The following SPTAN1 variants were observed in gnomAD, a reference collection of about 807,000 sequenced individuals.
SPTAN1 encodes spectrin alpha chain, non-erythrocytic 1.
SPTAN1 carries 61 observed loss-of-function variants against 331.3 expected under a neutral mutation model. The ratio of observed to expected loss-of-function variants is 0.18; its 90% CI spans 0.15 to 0.23. SPTAN1 has a LOEUF of 0.23. Among genes scored for constraint, SPTAN1 ranks in the 10% least tolerant of loss-of-function variants. SPTAN1 has a pLI of 1.00. For missense variants in SPTAN1, 2,043 were observed against 3,147.9 expected, an observed-to-expected ratio of 0.65 and a Z score of 8.40; for synonymous variants, 1,153 against 1,173.9, an observed-to-expected ratio of 0.98 and a Z score of 0.36.
intron 1 of SPTAN1, chr9:128,555,391 A>G (rs1312322044): frequency 5.4e-6 from 7 of 1,289,530 alleles, no homozygotes; most frequent in African/African-American, 4.6e-5. Flanking sequence ...TCGTAAACGC[A>G]GAGTCCAGGT....
intron 39 of SPTAN1, among the ~76,000 whole-genome samples, chr9:128,613,031 T>C (rs1222916731): frequency 6.6e-6 from 1 of 152,184 alleles, no homozygotes; most frequent in Non-Finnish European, 1.5e-5. Context: ...CCCAGCCTTT[T>C]GGTGTATATA....
At chr9:128,628,381 T>G (rs1228482414) in intron 51 of SPTAN1, 2 of 361,552 alleles carry the variant, frequency 5.5e-6, no homozygotes, top group Non-Finnish European at 1.1e-5. Context: ...GTACAGTAAG[T>G]CCACAGCTGA....
At chr9:128,591,136 A>G (rs1052665036) in intron 21 of SPTAN1, among the ~76,000 whole-genome samples, 7 of 151,740 alleles carry the variant, frequency 4.6e-5, no homozygotes, top group African/African-American at 1.7e-4. Flanking sequence ...ATCTCAGCTC[A>G]CTGCAAGCTC....
intron 1 of SPTAN1, among the ~76,000 whole-genome samples, chr9:128,562,994 A>ATGTATG (rs1849583192): frequency 1.8e-3 from 2 of 1,136 alleles, no homozygotes; most frequent in African/African-American, 1.9e-3. Context: ...ATGTATGTGT[A>ATGTATG]TATATATATA....
rs1157679452 is a variant in SPTAN1, at chr9:128,584,463, A to T, written c.2375A>T (p.Asp792Val). The stretch of plus-strand genomic sequence containing the variant: ...CTGCGGTTGCAGCAGCTCTTCCGGG[A>T]TGTTGAGGATGAGGAGACGTGGATT... Reference protein sequence around the residue: ...DSLRLQQLFRDVEDEETWIRE... With the variant: ...DSLRLQQLFRVVEDEETWIRE... Residue 792 changes from aspartate to valine, a missense_variant, in exon 17 of 57, where the codon GAT becomes GTT. This residue lies in a region of SPTAN1 where 1,038 missense variants were observed against 1,531.5 expected (regional missense o/e 0.68). Coordinates refer to ENST00000372739, the MANE Select transcript of SPTAN1 (RefSeq NM_001130438.3). 1 of 1,614,024 alleles carries T rather than the reference A, an allele frequency of 6.2e-7. No homozygotes were observed.
Position 128,594,157 on chromosome 9 carries a change from C to T in SPTAN1, c.3216-18C>T, listed in dbSNP as rs372969086. The T allele has an allele frequency of 2.4e-5, 38 of 1,613,758 alleles. No homozygotes were observed. In the Middle Eastern group the frequency reaches 4.9e-4, roughly 21 times the overall value. ...CTGCCTTCCTTGTCCCTCTTGTCAC[C>T]CTCTTGAATTCCATCAGATATCATT... is the stretch of plus-strand genomic sequence containing the variant. On this transcript the variant is annotated intron_variant, in intron 23 of 56. Coordinates refer to ENST00000372739, the MANE Select transcript of SPTAN1 (RefSeq NM_001130438.3).
intron 5 of SPTAN1, among the ~76,000 whole-genome samples, chr9:128,575,612 T>C (rs1199863107): frequency 1.3e-5 from 2 of 152,170 alleles, no homozygotes; most frequent in Non-Finnish European, 2.9e-5. Flanking sequence ...GGGTGAAGCT[T>C]TTATTGGACT....
chr9:128,563,527 T>G (rs1849657019), intron 1 of SPTAN1, among the ~76,000 whole-genome samples: 1 of 152,344 alleles, frequency 6.6e-6, no homozygotes, highest in Admixed American at 6.5e-5. Flanking sequence ...GTAGCTTTAG[T>G]CAGCACATTC....
At chr9:128,565,674 T>G (rs754781456) in intron 1 of SPTAN1, among the ~76,000 whole-genome samples, 9 of 152,224 alleles carry the variant, frequency 5.9e-5, no homozygotes, top group Non-Finnish European at 1.2e-4. Flanking sequence ...GTTTCATTCC[T>G]AACTCTTAGC....
intron 27 of SPTAN1, among the ~76,000 whole-genome samples, chr9:128,600,835 G>A (rs1855024726): frequency 1.3e-5 from 2 of 151,676 alleles, no homozygotes; most frequent in Non-Finnish European, 1.5e-5. Context: ...GCAAATTTTT[G>A]TATTTTTAGT....
chr9:128,576,785 GT>G lies in SPTAN1; in HGVS notation c.652-36del, dbSNP rs745542418. On this transcript the variant is annotated intron_variant, in intron 5 of 56. Transcript: ENST00000372739. The stretch of plus-strand genomic sequence containing the variant: ...GGGTAACTAGTTGGAGGAGCCAGAA[GT>G]TGTGTACAAATCCAGTCTCTTCTCT... 41 of 1,611,368 alleles carry G rather than the reference GT, an allele frequency of 2.5e-5. No homozygotes were observed. In the African/African-American group the frequency reaches 3.2e-4, roughly 13 times the overall value.
At chr9:128,604,974 G>T in intron 29 of SPTAN1, 60 bp from the exon 30 acceptor site, 2 of 1,577,530 alleles carry the variant, frequency 1.3e-6, no homozygotes, top group Non-Finnish European at 1.7e-6. Context: ...TTTTTTTAGT[G>T]TCCTGTAATC....
rs771456936 is a variant in SPTAN1, at chr9:128,632,632, C to T, written c.7074C>T (p.Arg2358=). 3.7e-5 allele frequency: 60 copies of T among 1,613,970 alleles called. No homozygotes were observed. Among genetic ancestry groups the T allele is most frequent in the Non-Finnish European group, 4.8e-5 (57 of 1,180,040 alleles). ...LNHQEFKSCL[R]SLGYDLPMVE... is the part of the protein sequence containing the mutation. The stretch of plus-strand genomic sequence containing the variant: ...ATCAGGAGTTCAAATCTTGCCTGCG[C>T]TCCCTGGGCTATGACCTGCCCATGG... The change falls in exon 55 of 57, where the codon CGC becomes CGT. Residue 2358 remains arginine, a synonymous_variant. Coordinates refer to ENST00000372739, the MANE Select transcript of SPTAN1 (RefSeq NM_001130438.3).
chr9:128,627,515 G>A lies in SPTAN1; in HGVS notation c.6689+17G>A, dbSNP rs143675512. 3.9e-4 allele frequency: 609 copies of A among 1,546,456 alleles called. 5 individuals carry two copies. In the East Asian group the frequency reaches 0.015, roughly 37 times the overall value. ...AGAGACCAGGTGCCAGCCCGCTGGG[G>A]CCGGGGAGCAGCAGCATGTCCCTGC... On this transcript the variant is annotated intron_variant, in intron 50 of 56. Transcript: ENST00000372739. This position sits in a 1 kb window ranked among gnomAD's most constrained non-coding sequence, Gnocchi z 4.9.
chr9:128,565,301 A>G (rs1849889923), intron 1 of SPTAN1, among the ~76,000 whole-genome samples: 1 of 152,252 alleles, frequency 6.6e-6, no homozygotes, highest in Admixed American at 6.5e-5. Flanking sequence ...CTCCGTCTCA[A>G]ACAAAAAACA....
rs769130912 is a variant in SPTAN1, at chr9:128,585,778, A to G, written c.2591A>G (p.Lys864Arg). 6 of 1,614,048 alleles carry G rather than the reference A, an allele frequency of 3.7e-6. No homozygotes were observed. The highest frequency in any genetic ancestry group is 8.5e-7 in the Non-Finnish European group (1 of 1,180,028). Reference sequence around the variant, plus strand: ...TTTGCTGCAGAGGATGTGAAGGCCAAGCTTCACGAGCTGAACCAAAAGTGG... The same window carrying G: ...TTTGCTGCAGAGGATGTGAAGGCCAGGCTTCACGAGCTGAACCAAAAGTGG... ...GHFAAEDVKAKLHELNQKWEA... is the reference protein window; with the variant it reads ...GHFAAEDVKARLHELNQKWEA... The change falls in exon 19 of 57, where the codon AAG (lysine) becomes AGG (arginine). Residue 864 changes from lysine (K) to arginine (R), a missense_variant. Lys to Arg is a conservative substitution (Grantham distance 26, BLOSUM62 2). Coordinates refer to ENST00000372739, the MANE Select transcript of SPTAN1 (RefSeq NM_001130438.3).
chr9:128,615,004 A>G (rs1856986957), intron 40 of SPTAN1, among the ~76,000 whole-genome samples: 1 of 152,196 alleles, frequency 6.6e-6, no homozygotes. Flanking sequence ...TGCAGTTAAT[A>G]CCACCACCAA....
chr9:128,582,256 A>C (rs1852034474), intron 12 of SPTAN1, among the ~76,000 whole-genome samples: 3 of 152,242 alleles, frequency 2.0e-5, no homozygotes, highest in Admixed American at 1.3e-4. Flanking sequence ...TAATGTCTCC[A>C]GTCTTGAATG....
intron 24 of SPTAN1, among the ~76,000 whole-genome samples, chr9:128,596,937 A>G (rs1269659438): frequency 6.6e-6 from 1 of 152,218 alleles, no homozygotes; most frequent in Non-Finnish European, 1.5e-5. Flanking sequence ...AGGCAGGCAG[A>G]TCACCTAAGG....
Sources: gnomAD v4.1 joint callset for allele counts (sites outside exome capture counted in the v4.1 genomes callset) on GRCh38, gnomAD v4.1.1 for gene constraint, gnomAD v4.1.1 regional missense constraint, Gnocchi (gnomAD v3.1) non-coding constraint, MANE v1.5 for transcripts, NCBI Gene and HGNC (gene_info 2026-07-23, HGNC 2026-07-21) for gene names.